ZNF248: variants seen among roughly 807,000 people sequenced by gnomAD.
The protein encoded by ZNF248 is zinc finger protein 248.
Under a neutral mutation model 44.3 loss-of-function variants are expected in ZNF248, and 20 were observed. The ratio of observed to expected loss-of-function variants is 0.45; its 90% CI spans 0.32 to 0.66. The LOEUF is 0.66. Among genes scored for constraint, ZNF248 ranks in the 30% least tolerant of loss-of-function variants. The probability of loss-of-function intolerance (pLI) is 0.04; values close to 1 mark genes in which losing one functional copy is unlikely to be tolerated. For synonymous variants in ZNF248, 224 were observed against 229.0 expected (o/e 0.98, Z 0.20); for missense variants, 654 against 677.0 (o/e 0.97, Z 0.38).
At chr10:37,833,614 C>T (rs929770467) in intron 5 of ZNF248, among the ~76,000 whole-genome samples, 3 of 152,180 alleles carry the variant, frequency 2.0e-5, no homozygotes, top group African/African-American at 7.2e-5. Context: ...AGAGTACATG[C>T]TTCTTTCTAT....
chr10:37,777,409 C>T (rs1779051), intron 6 of ZNF248, among the ~76,000 whole-genome samples: 9,113 of 152,184 alleles, frequency 0.06, 350 homozygotes, highest in Middle Eastern at 0.095. Context: ...TTTCTGATTT[C>T]CTCCCTGTTC....
At chr10:37,799,984 G>A (rs2049603640) in intron 6 of ZNF248, among the ~76,000 whole-genome samples, 1 of 151,886 alleles carries the variant, frequency 6.6e-6, no homozygotes. Flanking sequence ...GAGGTAGGAG[G>A]ATTGCTTGAG....
chr10:37,825,108 G>C (rs1445130123), downstream of ZNF248, among the ~76,000 whole-genome samples: 1 of 151,946 alleles, frequency 6.6e-6, no homozygotes, highest in Non-Finnish European at 1.5e-5. Flanking sequence ...TGTTCATAAA[G>C]TGAAAAAAGC....
At chr10:37,801,735 A>C (rs1403812310) in intron 6 of ZNF248, among the ~76,000 whole-genome samples, 1 of 152,218 alleles carries the variant, frequency 6.6e-6, no homozygotes, top group Non-Finnish European at 1.5e-5. Flanking sequence ...AAGTCTGACA[A>C]CACCAAGTGT....
At chr10:37,797,314 A>G (rs1463034424) in intron 6 of ZNF248, among the ~76,000 whole-genome samples, 1 of 149,932 alleles carries the variant, frequency 6.7e-6, no homozygotes, top group African/African-American at 2.5e-5. Flanking sequence ...AAATTGATCA[A>G]AGACCTAAAT....
intron 6 of ZNF248, among the ~76,000 whole-genome samples, chr10:37,805,317 G>T (rs2050398470): frequency 6.6e-6 from 1 of 152,164 alleles, no homozygotes; most frequent in East Asian, 1.9e-4. Context: ...AAATGATGCT[G>T]GTACAATTGA....
intron 3 of ZNF248, among the ~76,000 whole-genome samples, chr10:37,854,989 C>T (rs2061017636): frequency 6.6e-6 from 1 of 152,196 alleles, no homozygotes; most frequent in Admixed American, 6.5e-5. Context: ...AAATCAGAAC[C>T]TGCATGTTAA....
At chr10:37,772,387 T>C (rs2046288953), downstream of ZNF248, among the ~76,000 whole-genome samples, 1 of 152,082 alleles carries the variant, frequency 6.6e-6, no homozygotes, top group South Asian at 2.1e-4. Context: ...GTGTTACATA[T>C]ATAATATATA....
chr10:37,856,272 G>T, intron 3 of ZNF248, 24 bp downstream of exon 3: 8 of 1,609,404 alleles, frequency 5.0e-6, no homozygotes, highest in Non-Finnish European at 5.9e-6. Flanking sequence ...AAACAAACTG[G>T]GAATAAAGAA....
rs368150075 is a variant in ZNF248 at position 37,777,535 on chromosome 10, CT to C, written c.331-961del. ...CTGCATTGCAGCCTGGTCTTCGACT[CT>C]TTTTTTTTTTTTTTTCAATTAAAGT... On this transcript the variant is annotated intron_variant, in intron 6 of 6. Transcript: ENST00000615949. Among the ~76,000 whole-genome samples, 1,363 of 138,114 alleles carry C rather than the reference CT, an allele frequency of 9.9e-3. 6 individuals carry two copies. The highest frequency in any genetic ancestry group is 0.019 in the African/African-American group (699 of 37,276). The allele number at this position is 138,114 out of a possible 152,430, so 90.6% of individuals were successfully genotyped here.
intron 3 of ZNF248, among the ~76,000 whole-genome samples, chr10:37,842,809 T>G (rs998658447): frequency 1.3e-5 from 2 of 152,124 alleles, no homozygotes; most frequent in Non-Finnish European, 2.9e-5. Context: ...TTTGGGAAAT[T>G]TGGGCTTTCA....
At chr10:37,851,399 C>T (rs1024979793) in intron 3 of ZNF248, among the ~76,000 whole-genome samples, 1 of 152,080 alleles carries the variant, frequency 6.6e-6, no homozygotes, top group African/African-American at 2.4e-5. Flanking sequence ...ATTTGCTTTC[C>T]CCCAAGTTGC....
rs2054957740 is a variant in ZNF248, at chr10:37,829,179, AATG to A, written c.*2433_*2435del. ...AATTTGGCACCACAGTTCTGGTAGT[AATG>A]ATGTCTCTTACAAGGTGGCCCCTCC... is the stretch of plus-strand genomic sequence containing the variant. On this transcript the variant is annotated 3_prime_UTR_variant, in exon 6 of 6. Transcript: ENST00000395867. The A allele has an allele frequency of 1.0e-6, 1 of 985,332 alleles. No homozygotes were observed. The highest frequency in any genetic ancestry group is 1.7e-5 in the African/African-American group (1 of 57,234). The allele number at this position is 985,332 out of a possible 1,614,324, so 61.0% of individuals were successfully genotyped here. A position where few individuals can be genotyped will look rare whatever the true frequency, so the allele number is the denominator to read the frequency against.
the ZNF248 span, among the ~76,000 whole-genome samples, chr10:37,761,683 C>G: frequency 1.3e-5 from 2 of 152,174 alleles, no homozygotes; most frequent in South Asian, 2.1e-4. Context: ...GGCTGAAACA[C>G]AGCTACCCAT....
intron 6 of ZNF248, among the ~76,000 whole-genome samples, chr10:37,805,745 C>T (rs191775008): frequency 4.5e-4 from 68 of 152,174 alleles, no homozygotes; most frequent in African/African-American, 1.5e-3. Flanking sequence ...AATATTCTAA[C>T]GTAATAATAC....
At chr10:37,766,756 G>A in the ZNF248 span, among the ~76,000 whole-genome samples, 4,195 of 152,258 alleles carry the variant, frequency 0.028, 141 homozygotes, top group African/African-American at 0.082. Flanking sequence ...CACCAGCAAC[G>A]GAAGAAAGCT....
chr10:37,835,213 T>C (rs1470271984), intron 5 of ZNF248, among the ~76,000 whole-genome samples: 1 of 152,184 alleles, frequency 6.6e-6, no homozygotes, highest in Non-Finnish European at 1.5e-5. Flanking sequence ...CACATAGTTT[T>C]GCTTTTGAGT....
downstream of ZNF248, among the ~76,000 whole-genome samples, chr10:37,774,468 G>C (rs376298549): frequency 6.6e-6 from 1 of 152,182 alleles, no homozygotes; most frequent in Non-Finnish European, 1.5e-5. Flanking sequence ...AAAATCTAGA[G>C]AGTATGTAAT....
At chr10:37,851,095 A>T (rs1453786373) in intron 3 of ZNF248, among the ~76,000 whole-genome samples, 1 of 152,214 alleles carries the variant, frequency 6.6e-6, no homozygotes, top group Admixed American at 6.5e-5. Flanking sequence ...AACTCAATAC[A>T]TTAAAAAAAA....
Sources: gnomAD v4.1 joint callset for allele counts (sites outside exome capture counted in the v4.1 genomes callset) on GRCh38, gnomAD v4.1.1 for gene constraint, MANE v1.5 for transcripts, NCBI Gene and HGNC (gene_info 2026-07-23, HGNC 2026-07-21) for gene names.